OPRM1: variants seen among roughly 807,000 people sequenced by gnomAD.
OPRM1 encodes the protein mu-type opioid receptor.
Under a neutral mutation model 31.8 loss-of-function variants are expected in OPRM1, and 27 were observed. The observed-to-expected ratio is 0.85, with a 90% CI of 0.63 to 1.17. OPRM1 has a LOEUF of 1.17. OPRM1 is among the 50% of genes most tolerant of loss of function. OPRM1 has a pLI of 0.00. For missense variants in OPRM1, 536 were observed against 511.1 expected (o/e 1.05, Z -0.47); for synonymous variants, 196 against 189.9 (o/e 1.03, Z -0.26).
intron 1 of OPRM1, among the ~76,000 whole-genome samples, chr6:154,024,164 A>C (rs965735588): frequency 1.3e-5 from 2 of 152,040 alleles, no homozygotes; most frequent in African/African-American, 4.8e-5. Context: ...TGAAGCCACT[A>C]GGTCCTGGGC....
At chr6:154,244,138 G>C (rs1780822866) in intron 3 of OPRM1, among the ~76,000 whole-genome samples, 1 of 152,212 alleles carries the variant, frequency 6.6e-6, no homozygotes. Flanking sequence ...TAAGTGGCAG[G>C]AAGTAAATAA....
chr6:154,081,687 C>G (rs1188961108), intron 1 of OPRM1, among the ~76,000 whole-genome samples: 2 of 152,196 alleles, frequency 1.3e-5, no homozygotes, highest in African/African-American at 4.8e-5. Context: ...TGCATGCCTA[C>G]TTCGACGTGG....
At chr6:154,204,659 C>A (rs893583780) in intron 3 of OPRM1, among the ~76,000 whole-genome samples, 1 of 152,130 alleles carries the variant, frequency 6.6e-6, no homozygotes, top group Admixed American at 6.5e-5. Context: ...ATCCATGTGA[C>A]CTTGAAGAAG....
chr6:154,137,887 A>G (rs1798098504), intron 3 of OPRM1, among the ~76,000 whole-genome samples: 1 of 152,248 alleles, frequency 6.6e-6, no homozygotes. Flanking sequence ...GAAGACCCAG[A>G]ACTCAGGGCT....
chr6:154,243,377 T>C (rs1780755748), intron 3 of OPRM1, among the ~76,000 whole-genome samples: 1 of 152,200 alleles, frequency 6.6e-6, no homozygotes, highest in South Asian at 2.1e-4. Context: ...CTCTGTGGCG[T>C]GAAAAATGGC....
At position 154,054,836 on chromosome 6, in the gene OPRM1, A is replaced by C. The variant is rs189492116; in HGVS notation, c.290+15002A>C. On this transcript the variant is annotated intron_variant, in intron 1 of 3. Coordinates refer to ENST00000330432, the MANE Select transcript of OPRM1 (RefSeq NM_000914.5). ...ACTATGCATTGCATGCCTGTATCAA[A>C]ACATCTCATATACTTGATAAATATA... 2.5e-3 allele frequency among the ~76,000 whole-genome samples: 385 copies of C among 152,328 alleles called. 1 individual carries two copies. Among genetic ancestry groups the C allele is most frequent in the African/African-American group, 8.8e-3 (364 of 41,574 alleles).
chr6:154,042,547 A>C (rs1416016864), intron 1 of OPRM1, among the ~76,000 whole-genome samples: 1 of 152,184 alleles, frequency 6.6e-6, no homozygotes, highest in African/African-American at 2.4e-5. Context: ...TGGCAACAAC[A>C]ACAACAAAAA....
At chr6:154,210,948 A>G (rs1351590202) in intron 3 of OPRM1, among the ~76,000 whole-genome samples, 1 of 152,232 alleles carries the variant, frequency 6.6e-6, no homozygotes, top group East Asian at 1.9e-4. Flanking sequence ...CATTATTTAA[A>G]TAATCAATAT....
intron 1 of OPRM1, among the ~76,000 whole-genome samples, chr6:154,053,560 G>T (rs559326869): frequency 6.6e-6 from 1 of 152,190 alleles, no homozygotes; most frequent in Non-Finnish European, 1.5e-5. Context: ...GAGTGCTAGG[G>T]TAGGCCAAGG....
rs1830677 is a variant in OPRM1, at chr6:154,122,913, A to G, written c.*4192A>G. On this transcript the variant is annotated 3_prime_UTR_variant, in exon 4 of 4. Coordinates refer to ENST00000330432, the MANE Select transcript of OPRM1 (RefSeq NM_000914.5). ...GAATTCAGGAGTAAAGTGAAAGTGA[A>G]ATGGGTCAGGATCAATGGTCTCATT... Among the ~76,000 whole-genome samples the G allele has an allele frequency of 0.019, 2,915 of 152,248 alleles. 100 individuals are homozygous for G. The highest frequency in any genetic ancestry group is 0.064 in the African/African-American group (2,671 of 41,534).
chr6:154,224,404 T>C (rs1779092872), intron 3 of OPRM1, among the ~76,000 whole-genome samples: 2 of 152,152 alleles, frequency 1.3e-5, no homozygotes, highest in Non-Finnish European at 2.9e-5. Flanking sequence ...AATGCCTTCC[T>C]CTTATAAGAT....
chr6:154,103,676 G>C (rs186469374), intron 3 of OPRM1, among the ~76,000 whole-genome samples: 70 of 152,294 alleles, frequency 4.6e-4, no homozygotes, highest in African/African-American at 1.6e-3. Context: ...ATTTCTTGAT[G>C]ATATGCTCAA....
intron 3 of OPRM1, among the ~76,000 whole-genome samples, chr6:154,242,519 T>A (rs9479796): frequency 1.3e-5 from 2 of 151,926 alleles, no homozygotes; most frequent in Non-Finnish European, 2.9e-5. Flanking sequence ...GATCTTCTCC[T>A]ACAGAAATGA....
At chr6:154,102,072 TAA>T (rs1794909971) in intron 3 of OPRM1, among the ~76,000 whole-genome samples, 1 of 152,140 alleles carries the variant, frequency 6.6e-6, no homozygotes, top group African/African-American at 2.4e-5. Context: ...CCTGAGTAGC[TAA>T]AACTATGGGC....
rs542427035 is a variant in OPRM1, at chr6:154,123,819, G to T, written c.*5098G>T. Among the ~76,000 whole-genome samples, 1 of 152,318 alleles carries T rather than the reference G, an allele frequency of 6.6e-6. No homozygotes were observed. The highest frequency in any genetic ancestry group is 2.4e-5 in the African/African-American group (1 of 41,580). On this transcript the variant is annotated 3_prime_UTR_variant, in exon 4 of 4. Coordinates refer to ENST00000330432, the MANE Select transcript of OPRM1 (RefSeq NM_000914.5). The stretch of plus-strand genomic sequence containing the variant: ...CAATATAATTAGTGTATAATGAGTA[G>T]TGAGGACAACCAGAGGTAACTTTCA...
intron 3 of OPRM1, among the ~76,000 whole-genome samples, chr6:154,231,047 C>T (rs1318036002): frequency 6.6e-6 from 1 of 152,176 alleles, no homozygotes; most frequent in African/African-American, 2.4e-5. Flanking sequence ...ATTGTTTTCT[C>T]AGTTACTCCC....
chr6:154,116,685 G>A (rs1199878726), intron 3 of OPRM1, among the ~76,000 whole-genome samples: 1 of 152,030 alleles, frequency 6.6e-6, no homozygotes, highest in Non-Finnish European at 1.5e-5. Context: ...ACCTTATTGT[G>A]GGACATGATT....
At chr6:154,108,964 G>A (rs1796010944) in intron 3 of OPRM1, 2 of 984,532 alleles carry the variant, frequency 2.0e-6, no homozygotes, top group South Asian at 4.7e-5. Flanking sequence ...TAAGAAATAA[G>A]TCATGGGGAT....
intron 1 of OPRM1, among the ~76,000 whole-genome samples, chr6:154,055,692 C>A (rs1783127090): frequency 6.6e-6 from 1 of 152,148 alleles, no homozygotes; most frequent in African/African-American, 2.4e-5. Flanking sequence ...ATTCCAAAAC[C>A]ATCGTGTCAA....
Sources: gnomAD v4.1 joint callset for allele counts (sites outside exome capture counted in the v4.1 genomes callset) on GRCh38, gnomAD v4.1.1 for gene constraint, MANE v1.5 for transcripts, NCBI Gene and HGNC (gene_info 2026-07-23, HGNC 2026-07-21) for gene names.